The following CEMIP variants were observed in gnomAD, a reference collection of about 807,000 sequenced individuals.
CEMIP encodes the protein cell migration inducing hyaluronidase 1, also known as cell migration-inducing and hyaluronan-binding protein.
CEMIP carries 105 observed loss-of-function variants against 156.9 expected under a neutral mutation model. The ratio of observed to expected loss-of-function variants is 0.67; its 90% CI spans 0.57 to 0.79. The LOEUF is 0.79. Ranked by LOEUF, CEMIP falls within the 30% of genes least tolerant of loss-of-function variation. CEMIP has a pLI of 0.00. For synonymous variants in CEMIP, 676 were observed against 668.4 expected (o/e 1.01, Z -0.17); for missense variants, 1,457 against 1,769.4 (o/e 0.82, Z 3.17).
intron 1 of CEMIP, among the ~76,000 whole-genome samples, chr15:80,866,738 A>T (rs1409078188): frequency 6.6e-6 from 1 of 151,544 alleles, no homozygotes; most frequent in East Asian, 1.9e-4. Context: ...GTGAGCTGAG[A>T]TCACACCACT....
intron 1 of CEMIP, among the ~76,000 whole-genome samples, chr15:80,822,946 A>C (rs1896944056): frequency 6.6e-6 from 1 of 152,180 alleles, no homozygotes; most frequent in Non-Finnish European, 1.5e-5. Flanking sequence ...AAGTGAGAAC[A>C]TGGGGCTGGG....
chr15:80,946,097 C>T (rs1295685246), intron 28 of CEMIP, among the ~76,000 whole-genome samples: 4 of 152,188 alleles, frequency 2.6e-5, no homozygotes, highest in African/African-American at 4.8e-5. Flanking sequence ...AGAGAGGTGA[C>T]GTGAACGTAA....
At chr15:80,829,961 A>AGT (rs1364394177) in intron 1 of CEMIP, among the ~76,000 whole-genome samples, 45 of 101,422 alleles carry the variant, frequency 4.4e-4, no homozygotes, top group African/African-American at 2.0e-3. Context: ...GAAGGGAGGT[A>AGT]GCGGGTGTGT....
At chr15:80,848,943 C>T (rs1358177368) in intron 1 of CEMIP, among the ~76,000 whole-genome samples, 4 of 130,158 alleles carry the variant, frequency 3.1e-5, no homozygotes, top group Non-Finnish European at 4.9e-5. Flanking sequence ...CTTCAGGGAT[C>T]TCTTTAGAAA....
Position 80,932,184 on chromosome 15 carries a change from T to C in CEMIP, c.2793+145T>C. ...CAACTAGGCTGGGCCATGTCCCAGT[T>C]TGCTCTTCATCCAAACTGGAAAAGT... On this transcript the variant is annotated intron_variant, in intron 22 of 29. Transcript: ENST00000394685. This position sits in a 1 kb window ranked among gnomAD's most constrained non-coding sequence, Gnocchi z 4.5. 1.0e-6 allele frequency: 1 copy of C among 954,908 alleles called. No homozygotes were observed. Among genetic ancestry groups the C allele is most frequent in the Non-Finnish European group, 1.6e-6 (1 of 614,726 alleles). 59.2% of individuals were successfully genotyped at this position (954,908 alleles called of 1,614,324 possible).
At chr15:80,841,904 C>G in intron 1 of CEMIP, 1 of 246,244 alleles carries the variant, frequency 4.1e-6, no homozygotes, top group South Asian at 4.7e-5. Flanking sequence ...AACTCTGTTC[C>G]TCATCTGTAA....
chr15:80,921,086 C>G lies in CEMIP; in HGVS notation c.2058C>G (p.Ala686=), dbSNP rs755340760. 8 of 1,613,968 alleles carry G rather than the reference C, an allele frequency of 5.0e-6. No homozygotes were observed. The highest frequency in any genetic ancestry group is 6.8e-6 in the Non-Finnish European group (8 of 1,179,980). ...ANPNNNLINC[A]AAGSEETGFW... ...CCAACAACAACCTCATCAACTGTGC[C>G]GCTGCAGGATCTGAGGTGAGCAGAA... Residue 686 remains alanine (A), a synonymous_variant, in exon 16 of 30, where the codon GCC becomes GCG. Transcript: ENST00000394685.
chr15:80,862,594 A>G (rs1411010680), intron 1 of CEMIP, among the ~76,000 whole-genome samples: 3 of 152,222 alleles, frequency 2.0e-5, no homozygotes, highest in Non-Finnish European at 4.4e-5. Flanking sequence ...CTCTCCATGC[A>G]GATAAGATGG....
chr15:80,936,877 C>T lies in CEMIP; in HGVS notation c.3213C>T (p.Asn1071=), dbSNP rs1273679994. The T allele has an allele frequency of 1.2e-6, 2 of 1,613,974 alleles. No homozygotes were observed. The highest frequency in any genetic ancestry group is 2.7e-5 in the African/African-American group (2 of 74,942). ...APAELAIWLI[N]FNKGDWIRVG... ...CCGAACTCGCCATCTGGCTCATCAA[C>T]TTCAACAAGTGAGTGGGTGTCCAGC... Residue 1071 remains asparagine (N), a synonymous_variant, in exon 24 of 30, where the codon AAC becomes AAT. Coordinates refer to ENST00000394685, the MANE Select transcript of CEMIP (RefSeq NM_001293298.2).
At chr15:80,859,960 A>T (rs1897945677) in intron 1 of CEMIP, among the ~76,000 whole-genome samples, 1 of 152,130 alleles carries the variant, frequency 6.6e-6, no homozygotes, top group Non-Finnish European at 1.5e-5. Flanking sequence ...GGTAGGGTGG[A>T]TCTGCCTGCT....
chr15:80,808,682 A>C (rs548749130), intron 1 of CEMIP, among the ~76,000 whole-genome samples: 1 of 152,252 alleles, frequency 6.6e-6, no homozygotes, highest in South Asian at 2.1e-4. Context: ...TAGGAAATAG[A>C]AGTAGTTTGG....
intron 24 of CEMIP, 82 bp from the exon 25 acceptor site, chr15:80,937,711 TG>T: frequency 7.9e-7 from 1 of 1,261,718 alleles, no homozygotes; most frequent in Non-Finnish European, 1.2e-6. Flanking sequence ...GGAGATTTTT[TG>T]GTCTCTTTCT....
chr15:80,826,119 G>T (rs971804136), intron 1 of CEMIP, among the ~76,000 whole-genome samples: 1 of 152,172 alleles, frequency 6.6e-6, no homozygotes, highest in Admixed American at 6.5e-5. Flanking sequence ...ATGCTAGGCT[G>T]CTTTATGCAT....
At chr15:80,921,943 C>G in intron 16 of CEMIP, 66 bp from the exon 17 acceptor site, 1 of 1,610,340 alleles carries the variant, frequency 6.2e-7, no homozygotes, top group East Asian at 2.2e-5. Flanking sequence ...GGCCGCGTGG[C>G]CACCTTGCCC....
At chr15:80,849,918 T>C (rs900051906) in intron 1 of CEMIP, among the ~76,000 whole-genome samples, 1 of 152,034 alleles carries the variant, frequency 6.6e-6, no homozygotes, top group Admixed American at 6.5e-5. Flanking sequence ...TAGAGATGAG[T>C]TGGCCCAAGG....
chr15:80,866,633 A>AAATAAATT (rs1898136254), intron 1 of CEMIP, among the ~76,000 whole-genome samples: 2 of 137,056 alleles, frequency 1.5e-5, no homozygotes, highest in Admixed American at 7.2e-5. Context: ...ATAAATAAAT[A>AAATAAATT]AAATAAGCCA....
chr15:80,942,211 C>A (rs372913348), intron 26 of CEMIP, 40 bp from the exon 27 acceptor site: 1 of 1,575,648 alleles, frequency 6.3e-7, no homozygotes, highest in Non-Finnish European at 8.7e-7. Flanking sequence ...GAATGACTAC[C>A]CAAACCTAAC....
In CEMIP at chr15:80,924,797, C is replaced by T. The variant is rs1596195410; in HGVS notation, c.2288+91C>T. The T allele has an allele frequency of 6.2e-6, 7 of 1,131,406 alleles. 1 individual carries two copies. In the South Asian group the frequency reaches 6.4e-5, roughly 10 times the overall value. 70.1% of individuals were successfully genotyped at this position (1,131,406 alleles called of 1,614,324 possible). A position where few individuals can be genotyped will look rare whatever the true frequency, so the allele number is the denominator to read the frequency against. ...TTCAATCACTCATTCATTCCCTGAG[C>T]ATCTGTTGAGCCCTTGCTTTGTGCT... On this transcript the variant is annotated intron_variant, in intron 18 of 29. Transcript: ENST00000394685.
intron 3 of CEMIP, 90 bp from the exon 4 acceptor site, chr15:80,878,631 A>T: frequency 6.4e-7 from 1 of 1,563,350 alleles, no homozygotes; most frequent in Non-Finnish European, 8.8e-7. Flanking sequence ...AGGGGCCTTA[A>T]AGATGCATGG....
Sources: gnomAD v4.1 joint callset for allele counts (sites outside exome capture counted in the v4.1 genomes callset) on GRCh38, gnomAD v4.1.1 for gene constraint, Gnocchi (gnomAD v3.1) non-coding constraint, MANE v1.5 for transcripts, NCBI Gene and HGNC (gene_info 2026-07-23, HGNC 2026-07-21) for gene names.